Variants in NLGN4X observed in about 807,000 individuals in gnomAD.
NLGN4X encodes neuroligin-4, X-linked.
A neutral mutation model predicts 40.3 loss-of-function variants in NLGN4X; 3 were observed. The ratio of observed to expected loss-of-function variants is 0.07; its 90% CI spans 0.03 to 0.19. NLGN4X has a LOEUF of 0.19. Ranked by LOEUF, NLGN4X falls within the 10% of genes least tolerant of loss-of-function variation. The pLI is 1.00. For synonymous variants in NLGN4X, 270 were observed against 306.8 expected (o/e 0.88, Z 1.25); for missense variants, 382 against 708.3 (o/e 0.54, Z 5.23).
chrX:5,937,274 AC>A (rs935488625), intron 3 of NLGN4X, among the ~76,000 whole-genome samples: 3 of 110,700 alleles, frequency 2.7e-5, no homozygotes. Context: ...ACAGGATTTA[AC>A]CATTTGGCCA....
At chrX:6,083,541 G>C (rs1555968852) in intron 2 of NLGN4X, among the ~76,000 whole-genome samples, 2 of 112,358 alleles carry the variant, frequency 1.8e-5, no homozygotes, top group South Asian at 7.4e-4. Flanking sequence ...ATAGTAGCTT[G>C]AAGGTAGGAG....
At chrX:6,162,100 C>T (rs1449397677) in intron 1 of NLGN4X, among the ~76,000 whole-genome samples, 1 of 111,735 alleles carries the variant, frequency 8.9e-6, no homozygotes, top group Non-Finnish European at 1.9e-5. Context: ...TAAGAGCAAA[C>T]TAAGAACAAC....
chrX:6,175,228 A>G (rs1220224125), intron 1 of NLGN4X, among the ~76,000 whole-genome samples: 1 of 111,632 alleles, frequency 9.0e-6, no homozygotes, highest in Non-Finnish European at 1.9e-5. Context: ...CAGCAATACA[A>G]TCACTCAAAT....
At chrX:5,948,663 C>G (rs1352121458) in intron 3 of NLGN4X, among the ~76,000 whole-genome samples, 1 of 111,951 alleles carries the variant, frequency 8.9e-6, no homozygotes, top group East Asian at 2.8e-4. Flanking sequence ...GGGTCCAACA[C>G]CAACACCATG....
chrX:5,999,756 G>A (rs2035926516), intron 3 of NLGN4X, among the ~76,000 whole-genome samples: 1 of 112,112 alleles, frequency 8.9e-6, no homozygotes, highest in Non-Finnish European at 1.9e-5. Context: ...TATTAGATTT[G>A]CACTATTATC....
At chrX:6,068,851 A>T (rs1229267564) in intron 2 of NLGN4X, among the ~76,000 whole-genome samples, 1 of 112,208 alleles carries the variant, frequency 8.9e-6, no homozygotes, top group East Asian at 2.8e-4. Context: ...AAAAGAAGAA[A>T]ATCAAATTAC....
At chrX:5,988,662 A>G (rs916150730) in intron 3 of NLGN4X, among the ~76,000 whole-genome samples, 18 of 112,665 alleles carry the variant, frequency 1.6e-4, no homozygotes, top group African/African-American at 5.8e-4. Context: ...TACATAGAAG[A>G]CAACACCTGG....
chrX:5,993,387 A>G (rs2035736031), intron 3 of NLGN4X, among the ~76,000 whole-genome samples: 1 of 111,948 alleles, frequency 8.9e-6, no homozygotes. Flanking sequence ...GTCAGCATCA[A>G]TGACATTTGG....
chrX:5,985,023 A>T (rs975042673), intron 3 of NLGN4X, among the ~76,000 whole-genome samples: 8 of 112,328 alleles, frequency 7.1e-5, no homozygotes, highest in Admixed American at 9.4e-5. Flanking sequence ...TTCCTAAAAA[A>T]CACAAAACAT....
At chrX:5,981,271 A>G (rs905689841) in intron 3 of NLGN4X, among the ~76,000 whole-genome samples, 9 of 111,357 alleles carry the variant, frequency 8.1e-5, no homozygotes, top group Non-Finnish European at 1.3e-4. Context: ...TCCTTGAGAA[A>G]TCTAAACATT....
chrX:6,144,880 C>A (rs1396332423), intron 2 of NLGN4X, among the ~76,000 whole-genome samples: 1 of 111,064 alleles, frequency 9.0e-6, no homozygotes, highest in Non-Finnish European at 1.9e-5. Flanking sequence ...ATGCCTCCAA[C>A]CTATTCCCAG....
intron 3 of NLGN4X, among the ~76,000 whole-genome samples, chrX:5,949,957 T>A (rs1464542354): frequency 9.0e-6 from 1 of 111,699 alleles, no homozygotes; most frequent in African/African-American, 3.3e-5. Flanking sequence ...ACCTGGAATG[T>A]AGCAAATGAA....
chrX:6,094,270 G>A (rs1472982590), intron 2 of NLGN4X, among the ~76,000 whole-genome samples: 5 of 111,077 alleles, frequency 4.5e-5, no homozygotes, highest in African/African-American at 1.6e-4. Context: ...TCCCACTTAA[G>A]AAATTAGTGG....
At chrX:6,126,015 G>A (rs1041047861) in intron 2 of NLGN4X, among the ~76,000 whole-genome samples, 2 of 110,074 alleles carry the variant, frequency 1.8e-5, no homozygotes, top group African/African-American at 6.6e-5. Context: ...TTAAAAATGT[G>A]TTATTCCCGA....
intron 1 of NLGN4X, among the ~76,000 whole-genome samples, chrX:6,220,611 G>C (rs1225662564): frequency 1.8e-5 from 2 of 108,753 alleles, no homozygotes; most frequent in African/African-American, 3.4e-5. Context: ...AGGAGACCTA[G>C]AGAAAATGGA....
At chrX:6,226,148 C>G (rs1390502820) in intron 1 of NLGN4X, among the ~76,000 whole-genome samples, 1 of 107,986 alleles carries the variant, frequency 9.3e-6, no homozygotes. Flanking sequence ...AGTTGCAAGC[C>G]CCGGCGCACC....
At chrX:6,102,980 T>C (rs957914627) in intron 2 of NLGN4X, among the ~76,000 whole-genome samples, 4 of 111,126 alleles carry the variant, frequency 3.6e-5, no homozygotes, top group Non-Finnish European at 5.7e-5. Flanking sequence ...CTGAGGAAGG[T>C]GATTAGGGAA....
chrX:6,131,077 T>C (rs768812307), intron 2 of NLGN4X, among the ~76,000 whole-genome samples: 1 of 111,726 alleles, frequency 9.0e-6, no homozygotes, highest in Non-Finnish European at 1.9e-5. Context: ...AATACACCTA[T>C]GGATACTCTT....
At chrX:5,986,524 A>G (rs966465074) in intron 3 of NLGN4X, among the ~76,000 whole-genome samples, 12 of 112,372 alleles carry the variant, frequency 1.1e-4, no homozygotes, top group African/African-American at 3.9e-4. Context: ...CTAAACAAAA[A>G]TTCCAAAGCA....
Sources: allele counts gnomAD v4.1 joint callset (sites outside exome capture counted in the v4.1 genomes callset), GRCh38; gene constraint gnomAD v4.1.1; transcripts MANE v1.5; gene names NCBI Gene and HGNC (gene_info 2026-07-23, HGNC 2026-07-21).